Variants in TTC28 observed in about 807,000 individuals in gnomAD.
TTC28 encodes the protein tetratricopeptide repeat protein 28.
TTC28 carries 61 observed loss-of-function variants against 198.0 expected under a neutral mutation model. The observed-to-expected ratio is 0.31, with a 90% CI of 0.25 to 0.38. The LOEUF is 0.38. Ranked by LOEUF, TTC28 falls within the 10% of genes least tolerant of loss-of-function variation. The pLI is 1.00. For synonymous variants in TTC28, 1,171 were observed against 1,297.8 expected, an observed-to-expected ratio of 0.90 and a Z score of 2.10; for missense variants, 2,678 against 3,164.0, an observed-to-expected ratio of 0.85 and a Z score of 3.69.
chr22:28,381,088 C>T (rs1310293059), intron 2 of TTC28, among the ~76,000 whole-genome samples: 7 of 148,594 alleles, frequency 4.7e-5, no homozygotes, highest in Non-Finnish European at 8.9e-5. Flanking sequence ...GGAGGCTGAA[C>T]TAGAAAAACA....
At chr22:27,996,287 G>A in intron 16 of TTC28, 28 bp from the exon 17 acceptor site, 1 of 1,546,298 alleles carries the variant, frequency 6.5e-7, no homozygotes, top group Non-Finnish European at 8.7e-7. Context: ...GGGCACCTCA[G>A]CAGGGCAGCT....
Position 28,101,199 on chromosome 22 carries a change from C to A in TTC28, c.3389G>T (p.Ser1130Ile). The A allele has an allele frequency of 2.6e-6, 4 of 1,551,498 alleles. No individual in the cohort carries two copies. Among genetic ancestry groups the A allele is most frequent in the Non-Finnish European group, 3.5e-6 (4 of 1,146,904 alleles). ...RHGLGLSLWA[S>I]GNLEEAQHQL... ...GTGTTGGGCCTCCTCCAAGTTTCCA[C>A]TAGCCCAAAGGGAGAGGCCAAGGCC... Residue 1130 changes from serine (S) to isoleucine (I), a missense_variant, in exon 9 of 23, where the codon AGT becomes ATT. Ser to Ile is a moderately radical substitution (Grantham distance 142). Coordinates refer to ENST00000397906, the MANE Select transcript of TTC28 (RefSeq NM_001145418.2).
At chr22:28,070,689 A>G (rs887980379) in intron 12 of TTC28, among the ~76,000 whole-genome samples, 21 of 152,160 alleles carry the variant, frequency 1.4e-4, no homozygotes, top group Non-Finnish European at 2.6e-4. Context: ...AAAAGAGATA[A>G]TTTAAAGTGG....
At chr22:28,610,300 C>A (rs1032115767) in intron 2 of TTC28, among the ~76,000 whole-genome samples, 8 of 152,168 alleles carry the variant, frequency 5.3e-5, no homozygotes, top group Non-Finnish European at 1.0e-4. Context: ...CTGGGAGATA[C>A]CTCCCAGTAG....
chr22:28,364,676 G>T (rs2046215595), intron 2 of TTC28, among the ~76,000 whole-genome samples: 1 of 152,172 alleles, frequency 6.6e-6, no homozygotes, highest in Non-Finnish European at 1.5e-5. Context: ...AGGGGCTCAA[G>T]ACTTCAGCAG....
chr22:28,145,202 T>C (rs1943438831), intron 6 of TTC28, among the ~76,000 whole-genome samples: 1 of 152,230 alleles, frequency 6.6e-6, no homozygotes, highest in South Asian at 2.1e-4. Context: ...TTAAAGCGTT[T>C]TCACATTCAC....
rs185690477 is a variant in TTC28, at chr22:28,647,058, T to C, written c.103-17228A>G. Among the ~76,000 whole-genome samples the C allele has an allele frequency of 4.6e-5, 7 of 152,234 alleles. No individual in the cohort carries two copies. The East Asian group carries it at 1.2e-3, about 25-fold the overall frequency. On this transcript the variant is annotated intron_variant, in intron 1 of 22. Transcript: ENST00000397906. Reference sequence around the variant, plus strand: ...ACACATAGACTAATGGAACACAATATAGAACCCAGAAATAAAGCCAAATAC... The same window carrying C: ...ACACATAGACTAATGGAACACAATACAGAACCCAGAAATAAAGCCAAATAC...
At chr22:28,535,476 C>T (rs907717568) in intron 2 of TTC28, among the ~76,000 whole-genome samples, 3 of 152,058 alleles carry the variant, frequency 2.0e-5, no homozygotes, top group Non-Finnish European at 4.4e-5. Flanking sequence ...AAATTTTATA[C>T]CTTTGAGATT....
intron 2 of TTC28, among the ~76,000 whole-genome samples, chr22:28,577,726 T>G (rs2050173197): frequency 6.6e-6 from 1 of 152,180 alleles, no homozygotes. Flanking sequence ...TGACCTCCTT[T>G]GTCTCTTTTT....
chr22:28,566,293 T>A (rs546558477), intron 2 of TTC28, among the ~76,000 whole-genome samples: 1 of 152,000 alleles, frequency 6.6e-6, no homozygotes, highest in African/African-American at 2.4e-5. Context: ...CAAAATCACA[T>A]AGGGACGACC....
At chr22:28,521,602 C>G (rs561123082) in intron 2 of TTC28, among the ~76,000 whole-genome samples, 1 of 152,272 alleles carries the variant, frequency 6.6e-6, no homozygotes, top group South Asian at 2.1e-4. Context: ...GGCTCTCCCC[C>G]AGCCGTAAGA....
intron 2 of TTC28, among the ~76,000 whole-genome samples, chr22:28,444,705 A>G (rs1452687375): frequency 6.6e-6 from 1 of 152,214 alleles, no homozygotes; most frequent in Non-Finnish European, 1.5e-5. Context: ...ATTCAGACCC[A>G]CAATGACCCT....
chr22:28,306,401 C>T, intron 3 of TTC28, 95 bp downstream of exon 3: 1 of 1,369,000 alleles, frequency 7.3e-7, no homozygotes, highest in African/African-American at 1.5e-5. Flanking sequence ...AATTTGATAA[C>T]CTATCAATTC....
intron 12 of TTC28, among the ~76,000 whole-genome samples, chr22:28,054,391 A>C (rs1456667203): frequency 6.6e-6 from 1 of 152,178 alleles, no homozygotes; most frequent in African/African-American, 2.4e-5. Context: ...AACACAATGC[A>C]AAACCAATAT....
chr22:28,295,983 A>C (rs1431156383), intron 5 of TTC28, among the ~76,000 whole-genome samples: 4 of 152,186 alleles, frequency 2.6e-5, no homozygotes, highest in African/African-American at 9.7e-5. Flanking sequence ...GAGGTCAAGA[A>C]CAAGTCTTCT....
At chr22:28,368,684 C>A (rs1016346809) in intron 2 of TTC28, among the ~76,000 whole-genome samples, 6 of 152,014 alleles carry the variant, frequency 3.9e-5, no homozygotes, top group Admixed American at 3.3e-4. Flanking sequence ...AACTGATAAA[C>A]AAATTCAGTA....
intron 8 of TTC28, among the ~76,000 whole-genome samples, chr22:28,104,749 A>AC (rs1942248130): frequency 6.6e-6 from 1 of 152,096 alleles, no homozygotes; most frequent in Admixed American, 6.5e-5. Context: ...CTGCTTGAGT[A>AC]CCCCTCAGAC....
At chr22:28,644,039 C>T (rs146555121) in intron 1 of TTC28, among the ~76,000 whole-genome samples, 1 of 152,154 alleles carries the variant, frequency 6.6e-6, no homozygotes, top group Admixed American at 6.5e-5. Context: ...CTTGTGCAGG[C>T]TGGCTCTGGA....
At chr22:28,060,336 G>A (rs973939540) in intron 12 of TTC28, among the ~76,000 whole-genome samples, 1 of 152,172 alleles carries the variant, frequency 6.6e-6, no homozygotes, top group African/African-American at 2.4e-5. Context: ...CTATGAATGA[G>A]AACATGCGGT....
Sources: allele counts gnomAD v4.1 joint callset (sites outside exome capture counted in the v4.1 genomes callset), GRCh38; gene constraint gnomAD v4.1.1; transcripts MANE v1.5; gene names NCBI Gene and HGNC (gene_info 2026-07-23, HGNC 2026-07-21).